SHROOM2: variants seen among roughly 807,000 people sequenced by gnomAD.
The protein encoded by SHROOM2 is shroom family member 2, also known as protein Shroom2.
A neutral mutation model predicts 75.9 loss-of-function variants in SHROOM2; 33 were observed. The ratio of observed to expected loss-of-function variants is 0.43; its 90% CI spans 0.33 to 0.58. The LOEUF (loss-of-function observed/expected upper bound fraction) is 0.58. Ranked by LOEUF, SHROOM2 falls within the 20% of genes least tolerant of loss-of-function variation. The pLI is 0.04. For synonymous variants in SHROOM2, 655 were observed against 663.6 expected (o/e 0.99, Z 0.20); for missense variants, 1,434 against 1,461.2 (o/e 0.98, Z 0.30).
intron 6 of SHROOM2, among the ~76,000 whole-genome samples, chrX:9,933,509 G>A (rs965231037): frequency 4.5e-5 from 5 of 111,995 alleles, no homozygotes; most frequent in African/African-American, 1.6e-4. Flanking sequence ...GGTGGCTCAC[G>A]CCTGTAATCC....
intron 5 of SHROOM2, among the ~76,000 whole-genome samples, chrX:9,923,017 G>A (rs775545908): frequency 8.9e-6 from 1 of 111,834 alleles, no homozygotes; most frequent in Non-Finnish European, 1.9e-5. Flanking sequence ...TTTAAAACCC[G>A]CGTGTCTGTA....
chrX:9,813,327 C>G (rs1186296922), intron 1 of SHROOM2, among the ~76,000 whole-genome samples: 1 of 110,915 alleles, frequency 9.0e-6, no homozygotes, highest in African/African-American at 3.3e-5. Flanking sequence ...GTAAGTCGGA[C>G]CTGAGCTAAA....
chrX:9,932,818 C>T lies in SHROOM2; in HGVS notation c.3535C>T (p.Gln1179Ter). ...CTCCCCCTCGCCCCAGTTCGCCCCC[C>T]AGAAACTGACGGACAAACCTCCCCT... ...SRSPSPQFAP[Q>*]KLTDKPPLLI... The change falls in exon 6 of 10, where the codon CAG becomes TAG. Residue 1179 changes from glutamine (Q) to a stop codon, truncating the protein, a stop_gained. Coordinates refer to ENST00000380913, the MANE Select transcript of SHROOM2 (RefSeq NM_001649.4). LOFTEE classifies it high-confidence loss of function. The T allele has an allele frequency of 8.3e-7, 1 of 1,205,338 alleles. No individual in the cohort carries two copies. The highest frequency in any genetic ancestry group is 1.7e-5 in the African/African-American group (1 of 57,876).
At chrX:9,793,582 G>A (rs770212563) in intron 1 of SHROOM2, among the ~76,000 whole-genome samples, 2 of 110,572 alleles carry the variant, frequency 1.8e-5, no homozygotes, top group South Asian at 3.9e-4. Flanking sequence ...GAGCCACTGC[G>A]CCTGGCCCTT....
chrX:9,890,544 C>G (rs1445090645), intron 2 of SHROOM2, among the ~76,000 whole-genome samples: 3 of 113,939 alleles, frequency 2.6e-5, no homozygotes, highest in African/African-American at 9.5e-5. Flanking sequence ...TGATCAGTGT[C>G]AGTCTCTGCA....
At chrX:9,791,623 A>G (rs1404473103) in intron 1 of SHROOM2, among the ~76,000 whole-genome samples, 1 of 112,146 alleles carries the variant, frequency 8.9e-6, no homozygotes, top group Admixed American at 9.5e-5. Context: ...CTACACATGC[A>G]AGCCGAAAAC....
At chrX:9,900,196 T>TG (rs1882034555) in intron 5 of SHROOM2, among the ~76,000 whole-genome samples, 1 of 110,850 alleles carries the variant, frequency 9.0e-6, no homozygotes, top group African/African-American at 3.3e-5. Context: ...TCAGAATTGT[T>TG]GGGTGCGGTT....
At chrX:9,910,748 C>T (rs1196272310) in intron 5 of SHROOM2, among the ~76,000 whole-genome samples, 1 of 109,269 alleles carries the variant, frequency 9.2e-6, no homozygotes, top group Non-Finnish European at 1.9e-5. Context: ...ACCCAGGAGG[C>T]GGAGGTTGCA....
chrX:9,792,457 G>GT (rs397820377), intron 1 of SHROOM2, among the ~76,000 whole-genome samples: 226 of 101,451 alleles, frequency 2.2e-3, no homozygotes, highest in African/African-American at 3.9e-3. Flanking sequence ...TTTTTGTGTT[G>GT]TTTTTTTTTT....
chrX:9,896,757 C>T (rs2084335077), intron 4 of SHROOM2, 59 bp downstream of exon 4: 3 of 1,076,522 alleles, frequency 2.8e-6, no homozygotes, highest in Non-Finnish European at 3.7e-6. Flanking sequence ...AGGACACACC[C>T]AGAATGCAGT....
chrX:9,895,160 C>T lies in SHROOM2; in HGVS notation c.1252C>T (p.Arg418Cys), dbSNP rs369881284. ...GGCCTCTCTGTCCAGCTCAGATGTGCGCTTCCCTCAGTCTCCTCATAGCGG... is the reference window on the plus strand; with the variant it reads ...GGCCTCTCTGTCCAGCTCAGATGTGTGCTTCCCTCAGTCTCCTCATAGCGG... ...LQASLSSSDVRFPQSPHSGRH... is the reference protein window; with the variant it reads ...LQASLSSSDVCFPQSPHSGRH... Residue 418 changes from arginine to cysteine, a missense_variant, in exon 4 of 10, where the codon CGC (arginine) becomes TGC (cysteine). By Grantham distance (180) the Arg-to-Cys change is radical. Transcript: ENST00000380913. 9.1e-6 allele frequency: 11 copies of T among 1,211,960 alleles called. No homozygotes were observed. The highest frequency in any genetic ancestry group is 6.5e-5 in the Admixed American group (3 of 46,140).
Position 9,896,001 on chromosome X carries a change from A to G in SHROOM2, c.2093A>G (p.Lys698Arg). The change falls in exon 4 of 10, where the codon AAG becomes AGG. Residue 698 changes from lysine to arginine, a missense_variant. Physicochemically the swap from Lys to Arg is conservative, Grantham distance 26. Around this residue, in one of 3 missense-constraint regions of SHROOM2, gnomAD observed 1,340 missense variants for 1,338.3 expected, o/e 1.00. Coordinates refer to ENST00000380913, the MANE Select transcript of SHROOM2 (RefSeq NM_001649.4). ...CGGGTCCTGAGGGCCACGTCCTTCA[A>G]GCGCCGCGACTTGGACCCCAACCCA... is the stretch of plus-strand genomic sequence containing the variant. ...QARVLRATSF[K>R]RRDLDPNPGD... The G allele has an allele frequency of 8.3e-7, 1 of 1,207,677 alleles. No individual in the cohort carries two copies. The highest frequency in any genetic ancestry group is 1.7e-5 in the African/African-American group (1 of 57,772).
At chrX:9,906,532 C>T (rs776219563) in intron 5 of SHROOM2, among the ~76,000 whole-genome samples, 1 of 112,950 alleles carries the variant, frequency 8.9e-6, no homozygotes, top group Non-Finnish European at 1.9e-5. Context: ...TGGTGGCTCA[C>T]GCCTGTAATC....
At chrX:9,932,099 A>G in intron 5 of SHROOM2, 76 bp from the exon 6 acceptor site, 3 of 959,437 alleles carry the variant, frequency 3.1e-6, no homozygotes, top group Non-Finnish European at 4.2e-6. Flanking sequence ...GGGATTGTGA[A>G]GATCCAGGTC....
chrX:9,878,792 C>G (rs1223485798), intron 2 of SHROOM2, among the ~76,000 whole-genome samples: 16 of 100,699 alleles, frequency 1.6e-4, no homozygotes, highest in African/African-American at 5.7e-4. Flanking sequence ...GGTGCATGGT[C>G]AGATGGAGGG....
At chrX:9,831,416 T>G (rs1485056940) in intron 1 of SHROOM2, among the ~76,000 whole-genome samples, 1 of 111,941 alleles carries the variant, frequency 8.9e-6, no homozygotes, top group African/African-American at 3.3e-5. Flanking sequence ...CCCAGCACTT[T>G]GGGAGGCTGA....
chrX:9,882,992 A>G (rs950988982), intron 2 of SHROOM2, among the ~76,000 whole-genome samples: 2 of 112,701 alleles, frequency 1.8e-5, no homozygotes, highest in African/African-American at 6.5e-5. Context: ...GACACTGCAT[A>G]TAAATCTTCC....
intron 1 of SHROOM2, among the ~76,000 whole-genome samples, chrX:9,838,019 G>C (rs1301608972): frequency 9.3e-6 from 1 of 107,188 alleles, no homozygotes; most frequent in Non-Finnish European, 1.9e-5. Context: ...TGAGTAAGCT[G>C]AAGACTTAAA....
At chrX:9,936,072 T>C (rs1416265479) in intron 6 of SHROOM2, among the ~76,000 whole-genome samples, 1 of 110,466 alleles carries the variant, frequency 9.1e-6, no homozygotes, top group Non-Finnish European at 1.9e-5. Flanking sequence ...ATGCTTTAGG[T>C]ACCTCTCTAG....
Sources: gnomAD v4.1 joint callset for allele counts (sites outside exome capture counted in the v4.1 genomes callset) on GRCh38, gnomAD v4.1.1 for gene constraint, gnomAD v4.1.1 regional missense constraint, MANE v1.5 for transcripts, NCBI Gene and HGNC (gene_info 2026-07-23, HGNC 2026-07-21) for gene names.